Variants in PIEZO2 observed in about 807,000 individuals in gnomAD.
PIEZO2 encodes piezo-type mechanosensitive ion channel component 2.
PIEZO2 carries 172 observed loss-of-function variants against 337.3 expected under a neutral mutation model. The observed-to-expected ratio is 0.51, with a 90% CI of 0.45 to 0.58. PIEZO2 has a LOEUF of 0.58. Ranked by LOEUF, PIEZO2 falls within the 20% of genes least tolerant of loss-of-function variation. The probability of loss-of-function intolerance (pLI) is 0.00; values close to 1 mark genes in which losing one functional copy is unlikely to be tolerated. For synonymous variants in PIEZO2, 1,251 were observed against 1,228.5 expected, an observed-to-expected ratio of 1.02 and a Z score of -0.38; for missense variants, 3,028 against 3,391.3, an observed-to-expected ratio of 0.89 and a Z score of 2.66.
At position 10,682,534 on chromosome 18, in the gene PIEZO2, A is replaced by C. The variant is rs1311283527; in HGVS notation, c.7498-242T>G. ...ACCCCCTGGTGGATCCACAGGGGCC[A>C]ACAGGACTTAAGCGGCCTTCTCCCT... On this transcript the variant is annotated intron_variant, in intron 49 of 55. Transcript: ENST00000674853. This position sits in a 1 kb window ranked among gnomAD's most constrained non-coding sequence, Gnocchi z 5.6. 6.6e-6 allele frequency among the ~76,000 whole-genome samples: 1 copy of C among 152,182 alleles called. No individual in the cohort carries two copies. Among genetic ancestry groups the C allele is most frequent in the African/African-American group, 2.4e-5 (1 of 41,448 alleles).
rs2036125231 is a variant in PIEZO2 at position 11,016,639 on chromosome 18, A to G, written c.161-36979T>C. Among the ~76,000 whole-genome samples, 1 of 152,236 alleles carries G rather than the reference A, an allele frequency of 6.6e-6. No homozygotes were observed. The highest frequency in any genetic ancestry group is 2.1e-4 in the South Asian group (1 of 4,828). ...ATGCTGGGATTCTGAATACAATCCT[A>G]GAAAAGGCAAAACCAAAAATGCACA... is the stretch of plus-strand genomic sequence containing the variant. On this transcript the variant is annotated intron_variant, in intron 2 of 55. Coordinates refer to ENST00000674853, the MANE Select transcript of PIEZO2 (RefSeq NM_001378183.1). This position sits in a 1 kb window ranked among gnomAD's most constrained non-coding sequence, Gnocchi z 5.6.
intron 49 of PIEZO2, among the ~76,000 whole-genome samples, chr18:10,684,093 C>T (rs796234516): frequency 0.041 from 1,035 of 25,008 alleles, 25 homozygotes; most frequent in African/African-American, 0.08. Context: ...TCCTTCCTTC[C>T]TTCTTTCTCT....
intron 2 of PIEZO2, among the ~76,000 whole-genome samples, chr18:11,012,286 A>C (rs1026573337): frequency 3.9e-5 from 6 of 152,186 alleles, no homozygotes; most frequent in Non-Finnish European, 7.3e-5. Context: ...GATGAGCAGC[A>C]TTTTTTTCTC....
intron 45 of PIEZO2, 40 bp from the exon 46 acceptor site, chr18:10,696,579 A>G: frequency 6.2e-7 from 1 of 1,608,716 alleles, no homozygotes; most frequent in South Asian, 1.1e-5. Context: ...CACTTGTTTC[A>G]GGAAGGGCAG....
intron 4 of PIEZO2, among the ~76,000 whole-genome samples, chr18:10,873,421 A>G (rs915679887): frequency 3.9e-5 from 6 of 152,174 alleles, no homozygotes; most frequent in African/African-American, 1.4e-4. Flanking sequence ...TATGCTTTCA[A>G]CCGCTTTCCC....
intron 1 of PIEZO2, among the ~76,000 whole-genome samples, chr18:11,144,640 T>G (rs866359779): frequency 1.6e-4 from 24 of 152,372 alleles, no homozygotes; most frequent in Non-Finnish European, 2.9e-5. Context: ...CCAACTATCC[T>G]TAAAGGGAGT....
intron 1 of PIEZO2, among the ~76,000 whole-genome samples, chr18:11,147,319 C>A (rs561247816): frequency 6.6e-6 from 1 of 152,308 alleles, no homozygotes; most frequent in Admixed American, 6.5e-5. Context: ...CTTCCCTCCA[C>A]TCGGAGCGCC....
intron 2 of PIEZO2, among the ~76,000 whole-genome samples, chr18:11,008,149 G>A (rs1460214225): frequency 6.6e-6 from 1 of 152,094 alleles, no homozygotes; most frequent in African/African-American, 2.4e-5. Context: ...TTGGTGGGCA[G>A]CAAATTCATT....
chr18:10,805,458 G>A (rs2039971374), intron 8 of PIEZO2, among the ~76,000 whole-genome samples: 1 of 152,170 alleles, frequency 6.6e-6, no homozygotes. Flanking sequence ...AGAGGTTGTG[G>A]TGACCCGAGA....
In PIEZO2 at chr18:11,103,916, C is replaced by T. The variant is rs986392493; in HGVS notation, c.65-37694G>A. Reference sequence around the variant, plus strand: ...TCTCGGCTCACTGCAACCTCAGCCTCGTGGGTTCAAGCGATTCTCCTGCCT... The same window carrying T: ...TCTCGGCTCACTGCAACCTCAGCCTTGTGGGTTCAAGCGATTCTCCTGCCT... On this transcript the variant is annotated intron_variant, in intron 1 of 55. Coordinates refer to ENST00000674853, the MANE Select transcript of PIEZO2 (RefSeq NM_001378183.1). Among the ~76,000 whole-genome samples the T allele has an allele frequency of 2.2e-4, 33 of 152,108 alleles. 1 individual carries two copies. The highest frequency in any genetic ancestry group is 8.0e-4 in the African/African-American group (33 of 41,480).
At position 10,979,739 on chromosome 18, in the gene PIEZO2, T is replaced by A; in HGVS notation, c.161-79A>T. 1 of 1,326,492 alleles carries A rather than the reference T, an allele frequency of 7.5e-7. No individual in the cohort carries two copies. Among genetic ancestry groups the A allele is most frequent in the Non-Finnish European group, 9.9e-7 (1 of 1,008,320 alleles). 82.2% of individuals were successfully genotyped at this position (1,326,492 alleles called of 1,614,324 possible). ...GTGCTGTCTCTTGTACATATTTCTG[T>A]ATAACCTATTAGATAGACCGACTCA... is the stretch of plus-strand genomic sequence containing the variant. On this transcript the variant is annotated intron_variant, in intron 2 of 55. Coordinates refer to ENST00000674853, the MANE Select transcript of PIEZO2 (RefSeq NM_001378183.1). This position sits in a 1 kb window ranked among gnomAD's most constrained non-coding sequence, Gnocchi z 4.0.
rs1005919773 is a variant in PIEZO2, at chr18:10,673,142, C to G, written c.8162-269G>C. ...CACAGGGCAAAAGTAGAGGATCCAC[C>G]ACCTGAGCAGCTGAGCTGATAATCC... On this transcript the variant is annotated intron_variant, in intron 54 of 55. Coordinates refer to ENST00000674853, the MANE Select transcript of PIEZO2 (RefSeq NM_001378183.1). This position sits in a 1 kb window ranked among gnomAD's most constrained non-coding sequence, Gnocchi z 4.8. Among the ~76,000 whole-genome samples, 1 of 152,118 alleles carries G rather than the reference C, an allele frequency of 6.6e-6. No individual in the cohort carries two copies.
intron 2 of PIEZO2, among the ~76,000 whole-genome samples, chr18:11,054,716 T>C (rs2145866001): frequency 6.6e-6 from 1 of 152,360 alleles, no homozygotes; most frequent in East Asian, 1.9e-4. Flanking sequence ...AATATTTATT[T>C]TCAACCCATA....
rs919513081 is a variant in PIEZO2, at chr18:11,148,363, TGA to T, written c.64+160_64+161del. On this transcript the variant is annotated intron_variant, in intron 1 of 55. Coordinates refer to ENST00000674853, the MANE Select transcript of PIEZO2 (RefSeq NM_001378183.1). This position sits in a 1 kb window ranked among gnomAD's most constrained non-coding sequence, Gnocchi z 5.2. ...CGATCGCGCGCCCCAGAGTGGGAAG[TGA>T]GAGAGCCAGGCTGTGCACCAGGGAC... is the stretch of plus-strand genomic sequence containing the variant. 6.6e-6 allele frequency among the ~76,000 whole-genome samples: 1 copy of T among 151,966 alleles called. No individual in the cohort carries two copies. The highest frequency in any genetic ancestry group is 2.4e-5 in the African/African-American group (1 of 41,372).
intron 29 of PIEZO2, among the ~76,000 whole-genome samples, chr18:10,749,139 A>G (rs1217377004): frequency 1.2e-4 from 18 of 152,078 alleles, no homozygotes; most frequent in Admixed American, 1.2e-3. Context: ...CCTGAAATAG[A>G]AATCACATAA....
At chr18:10,687,294 A>G (rs964783235) in intron 49 of PIEZO2, among the ~76,000 whole-genome samples, 1 of 146,432 alleles carries the variant, frequency 6.8e-6, no homozygotes, top group Non-Finnish European at 1.5e-5. Context: ...ACTCCCCGCA[A>G]CCCATGACAG....
At position 10,698,327 on chromosome 18, in the gene PIEZO2, T is replaced by A. The variant is rs537375456; in HGVS notation, c.6695-447A>T. On this transcript the variant is annotated intron_variant, in intron 44 of 55. Coordinates refer to ENST00000674853, the MANE Select transcript of PIEZO2 (RefSeq NM_001378183.1). ...AAGCTTCAGACAGGAGCCCCGTAAG[T>A]ACAAAAGCTTCAGACAGGAGCCCCA... Among the ~76,000 whole-genome samples the A allele has an allele frequency of 1.9e-4, 29 of 152,078 alleles. No homozygotes were observed. The South Asian group carries it at 6.0e-3, about 32-fold the overall frequency.
chr18:11,102,466 G>A lies in PIEZO2; in HGVS notation c.65-36244C>T, dbSNP rs2039448405. On this transcript the variant is annotated intron_variant, in intron 1 of 55. Coordinates refer to ENST00000674853, the MANE Select transcript of PIEZO2 (RefSeq NM_001378183.1). This position sits in a 1 kb window ranked among gnomAD's most constrained non-coding sequence, Gnocchi z 5.7. ...CCCTGTCCCCCACCAGGCTGGTGCAGTGGCAGGTGGCCAGCCTTTACCCTT... is the reference window on the plus strand; with the variant it reads ...CCCTGTCCCCCACCAGGCTGGTGCAATGGCAGGTGGCCAGCCTTTACCCTT... 6.6e-6 allele frequency among the ~76,000 whole-genome samples: 1 copy of A among 152,184 alleles called. No individual in the cohort carries two copies. Among genetic ancestry groups the A allele is most frequent in the African/African-American group, 2.4e-5 (1 of 41,452 alleles).
In PIEZO2 at chr18:11,001,107, T is replaced by C. The variant is rs1468387685; in HGVS notation, c.161-21447A>G. On this transcript the variant is annotated intron_variant, in intron 2 of 55. Transcript: ENST00000674853. This position sits in a 1 kb window ranked among gnomAD's most constrained non-coding sequence, Gnocchi z 5.3. ...CTGGAACCTGGAAGAATATGTGTCT[T>C]GGTCATGGAGGGGATTGTGTGTCAT... Among the ~76,000 whole-genome samples the C allele has an allele frequency of 6.6e-6, 1 of 152,162 alleles. No homozygotes were observed. The highest frequency in any genetic ancestry group is 1.5e-5 in the Non-Finnish European group (1 of 68,028).
Sources: gnomAD v4.1 joint callset for allele counts (sites outside exome capture counted in the v4.1 genomes callset) on GRCh38, gnomAD v4.1.1 for gene constraint, Gnocchi (gnomAD v3.1) non-coding constraint, MANE v1.5 for transcripts, NCBI Gene and HGNC (gene_info 2026-07-23, HGNC 2026-07-21) for gene names.